GNB1: variants seen among roughly 807,000 people sequenced by gnomAD.
GNB1 encodes the protein G protein subunit beta 1, also known as guanine nucleotide-binding protein G(I)/G(S)/G(T) subunit beta-1.
In GNB1, 2 loss-of-function variants were observed where a neutral mutation model predicts 42.9. That is an observed-to-expected ratio of 0.05 (90% confidence interval 0.02 to 0.15). GNB1 has a LOEUF of 0.15. GNB1 is among the 10% of genes least tolerant of loss of function. The probability of loss-of-function intolerance (pLI) is 1.00; values close to 1 mark genes in which losing one functional copy is unlikely to be tolerated. For missense variants in GNB1, 193 were observed against 462.2 expected (o/e 0.42, Z 5.34); for synonymous variants, 183 against 174.7 (o/e 1.05, Z -0.38).
At chr1:1,816,963 AT>A (rs1646865793) in intron 4 of GNB1, among the ~76,000 whole-genome samples, 1 of 152,216 alleles carries the variant, frequency 6.6e-6, no homozygotes, top group East Asian at 1.9e-4. Flanking sequence ...GTAACATCCA[AT>A]TAATCACTTT....
chr1:1,887,776 G>T (rs184733731), intron 1 of GNB1, among the ~76,000 whole-genome samples: 1 of 152,030 alleles, frequency 6.6e-6, no homozygotes, highest in African/African-American at 2.4e-5. Flanking sequence ...CCACCACGCC[G>T]GCTAATTTTA....
intron 1 of GNB1, among the ~76,000 whole-genome samples, chr1:1,882,802 C>A (rs964372108): frequency 2.7e-5 from 4 of 150,810 alleles, no homozygotes; most frequent in Non-Finnish European, 5.9e-5. Context: ...GTGCCTGTAA[C>A]CCCAGCTACT....
At chr1:1,874,688 G>A (rs1649440957) in intron 1 of GNB1, among the ~76,000 whole-genome samples, 2 of 150,770 alleles carry the variant, frequency 1.3e-5, no homozygotes, top group Admixed American at 1.3e-4. Flanking sequence ...CTACTTGGGA[G>A]ACTGAGACAG....
At chr1:1,841,829 C>T (rs529750697) in intron 1 of GNB1, among the ~76,000 whole-genome samples, 1 of 152,184 alleles carries the variant, frequency 6.6e-6, no homozygotes, top group Admixed American at 6.5e-5. Flanking sequence ...TACCCCATAA[C>T]CCAGCAATTC....
chr1:1,795,543 T>C (rs1646534762), intron 7 of GNB1, among the ~76,000 whole-genome samples: 1 of 151,448 alleles, frequency 6.6e-6, no homozygotes, highest in Non-Finnish European at 1.5e-5. Context: ...AGGTCAGGAG[T>C]TTGAGACCAG....
chr1:1,785,854 A>G lies in GNB1; in HGVS notation c.*1209T>C, dbSNP rs115625176. ...AAACAGTGACTTATCCCGCTACCCA[A>G]GCGTGTAGAGCCGCGCGCTGTACTG... is the stretch of plus-strand genomic sequence containing the variant. On this transcript the variant is annotated 3_prime_UTR_variant, in exon 12 of 12. Transcript: ENST00000378609. The G allele has an allele frequency of 4.7e-4, 187 of 397,790 alleles. 1 individual carries two copies. The highest frequency in any genetic ancestry group is 3.6e-3 in the African/African-American group (174 of 48,616). 24.6% of individuals were successfully genotyped at this position (397,790 alleles called of 1,614,324 possible). A position where few individuals can be genotyped will look rare whatever the true frequency, so the allele number is the denominator to read the frequency against.
At chr1:1,799,240 C>G (rs937211758) in intron 7 of GNB1, among the ~76,000 whole-genome samples, 4 of 152,104 alleles carry the variant, frequency 2.6e-5, no homozygotes, top group African/African-American at 9.7e-5. Flanking sequence ...CTTAAGAGGC[C>G]AAATGTGTGT....
intron 2 of GNB1, among the ~76,000 whole-genome samples, chr1:1,838,345 A>C (rs1269085243): frequency 6.6e-6 from 1 of 152,148 alleles, no homozygotes; most frequent in Non-Finnish European, 1.5e-5. Context: ...ACCCAGACTC[A>C]CTCACTACGA....
intron 1 of GNB1, among the ~76,000 whole-genome samples, chr1:1,859,185 C>A (rs778138995): frequency 6.6e-6 from 1 of 151,920 alleles, no homozygotes; most frequent in Non-Finnish European, 1.5e-5. Flanking sequence ...CAAAGCCCGG[C>A]TAATTTTTAT....
chr1:1,889,222 A>G (rs1272916946), intron 1 of GNB1, among the ~76,000 whole-genome samples: 3 of 152,228 alleles, frequency 2.0e-5, no homozygotes, highest in African/African-American at 7.2e-5. Context: ...TAATACGTCC[A>G]TTTGCTAATC....
At chr1:1,885,266 A>G (rs1277694454) in intron 1 of GNB1, among the ~76,000 whole-genome samples, 34 of 151,260 alleles carry the variant, frequency 2.2e-4, no homozygotes, top group Non-Finnish European at 1.5e-5. Flanking sequence ...TACAAAAATT[A>G]GCCAGGCATG....
At chr1:1,812,076 A>C (rs982172364) in intron 5 of GNB1, among the ~76,000 whole-genome samples, 13 of 152,060 alleles carry the variant, frequency 8.5e-5, no homozygotes, top group Non-Finnish European at 1.8e-4. Context: ...AAAAAAAAAA[A>C]CCCAAAAAAA....
At position 1,886,830 on chromosome 1, in the gene GNB1, T is replaced by A. The variant is rs187901491; in HGVS notation, c.-96+3990A>T. On this transcript the variant is annotated intron_variant, in intron 1 of 11. Coordinates refer to ENST00000378609, the MANE Select transcript of GNB1 (RefSeq NM_002074.5). ...CTGCCATTCTCCTGCCTCAGCCTCC[T>A]GAGTAGCTGGGATTACAGGTGCCCA... 8.3e-3 allele frequency among the ~76,000 whole-genome samples: 1,268 copies of A among 152,254 alleles called. 22 individuals are homozygous for A. Among genetic ancestry groups the A allele is most frequent in the African/African-American group, 0.029 (1,219 of 41,564 alleles).
At chr1:1,840,665 A>G (rs1647218697) in intron 1 of GNB1, among the ~76,000 whole-genome samples, 1 of 152,236 alleles carries the variant, frequency 6.6e-6, no homozygotes, top group South Asian at 2.1e-4. Context: ...AAGCCACTAA[A>G]TAACTACTTT....
chr1:1,882,442 AAAAAAAAAG>A (rs1319201586), intron 1 of GNB1, among the ~76,000 whole-genome samples: 10 of 151,728 alleles, frequency 6.6e-5, no homozygotes, highest in African/African-American at 9.7e-5. Context: ...AAAAAAAAAA[AAAAAAAAAG>A]AGAGAAGGTG....
At position 1,787,317 on chromosome 1, in the gene GNB1, A is replaced by G. The variant is rs1646419655; in HGVS notation, c.*9+5T>C. ...CAGAGAAGGGCATTTGGGCTGCTGC[A>G]TTACCTACTGGCGTTAGTTCCAGAT... On this transcript the variant is annotated splice_donor_5th_base_variant and intron_variant, in intron 11 of 11. Coordinates refer to ENST00000378609, the MANE Select transcript of GNB1 (RefSeq NM_002074.5). The surrounding 1 kb of genome is among the most constrained non-coding windows in gnomAD (Gnocchi z 4.4). 6.8e-7 allele frequency: 1 copy of G among 1,472,884 alleles called. No homozygotes were observed. The highest frequency in any genetic ancestry group is 9.5e-7 in the Non-Finnish European group (1 of 1,052,146). The allele number at this position is 1,472,884 out of a possible 1,614,324, so 91.2% of individuals were successfully genotyped here.
chr1:1,842,880 C>A (rs181381666), intron 1 of GNB1, among the ~76,000 whole-genome samples: 4 of 152,338 alleles, frequency 2.6e-5, no homozygotes, highest in Admixed American at 2.0e-4. Flanking sequence ...GGAAGCGAAG[C>A]CTCGCTCCGG....
chr1:1,837,277 C>CG (rs1647165133), intron 2 of GNB1, among the ~76,000 whole-genome samples: 1 of 136,530 alleles, frequency 7.3e-6, no homozygotes, highest in East Asian at 2.1e-4. Flanking sequence ...TTTTTTGAGA[C>CG]GGAGTCTCAC....
In GNB1 at chr1:1,785,925, G is replaced by T. The variant is rs777554737; in HGVS notation, c.*1138C>A. ...GCAGCAACGAGAAGTGGACAGAGCC[G>T]CAATGGTTACAACTGTAAGAGGTTA... On this transcript the variant is annotated 3_prime_UTR_variant, in exon 12 of 12. Coordinates refer to ENST00000378609, the MANE Select transcript of GNB1 (RefSeq NM_002074.5). 57 of 398,650 alleles carry T rather than the reference G, an allele frequency of 1.4e-4. No homozygotes were observed. Among genetic ancestry groups the T allele is most frequent in the Non-Finnish European group, 2.5e-4 (56 of 226,038 alleles). 24.7% of individuals were successfully genotyped at this position (398,650 alleles called of 1,614,324 possible).
Sources: gnomAD v4.1 joint callset for allele counts (sites outside exome capture counted in the v4.1 genomes callset) on GRCh38, gnomAD v4.1.1 for gene constraint, Gnocchi (gnomAD v3.1) non-coding constraint, MANE v1.5 for transcripts, NCBI Gene and HGNC (gene_info 2026-07-23, HGNC 2026-07-21) for gene names.